The following TMX1 variants were observed in gnomAD, a reference collection of about 807,000 sequenced individuals.
The protein encoded by TMX1 is thioredoxin related transmembrane protein 1, also known as thioredoxin-related transmembrane protein 1.
In TMX1, 25 loss-of-function variants were observed where a neutral mutation model predicts 36.6. The ratio of observed to expected loss-of-function variants is 0.68; its 90% CI spans 0.50 to 0.95. The LOEUF is 0.95. TMX1 is among the 40% of genes least tolerant of loss of function. The pLI is 0.00. For missense variants in TMX1, 347 were observed against 339.6 expected (o/e 1.02, Z -0.17); for synonymous variants, 133 against 118.0 (o/e 1.13, Z -0.82).
intron 7 of TMX1, among the ~76,000 whole-genome samples, chr14:51,253,467 G>A (rs1596408715): frequency 2.0e-5 from 3 of 152,272 alleles, no homozygotes; most frequent in African/African-American, 4.8e-5. Flanking sequence ...TTTTCCCCAT[G>A]GTTTATTCTG....
intron 1 of TMX1, 46 bp downstream of exon 1, chr14:51,240,490 G>T (rs760113264): frequency 6.3e-7 from 1 of 1,586,292 alleles, no homozygotes; most frequent in South Asian, 1.1e-5. Flanking sequence ...CTGGACACAC[G>T]ACTTCACCCC....
chr14:51,242,433 AAGT>A (rs1175731396), intron 1 of TMX1, among the ~76,000 whole-genome samples: 21 of 152,200 alleles, frequency 1.4e-4, no homozygotes, highest in Admixed American at 4.6e-4. Flanking sequence ...CAGCAATCAG[AAGT>A]AGTATTAAGG....
At chr14:51,244,136 G>T in intron 2 of TMX1, 165 bp downstream of exon 2, 1 of 480,576 alleles carries the variant, frequency 2.1e-6, no homozygotes, top group Non-Finnish European at 3.6e-6. Flanking sequence ...TGGGGGCTCA[G>T]TGTGCAATGG....
At position 51,249,353 on chromosome 14, in the gene TMX1, GCTAT is replaced by G. The variant is rs1445807923; in HGVS notation, c.476_479del (p.Ser159CysfsTer27). Reference sequence around the variant, plus strand: ...TGAGTAGTATGTCAGCACTCTTTCAGCTATCTATGTGGATCAGGGTATGGACTAA... The same window carrying G: ...TGAGTAGTATGTCAGCACTCTTTCAGCTATGTGGATCAGGGTATGGACTAA... On this transcript the variant is annotated frameshift_variant, in exon 5 of 8. Coordinates refer to ENST00000457354, the MANE Select transcript of TMX1 (RefSeq NM_030755.5). LOFTEE classifies it high-confidence loss of function. 6.2e-7 allele frequency: 1 copy of G among 1,607,782 alleles called. No individual in the cohort carries two copies. The highest frequency in any genetic ancestry group is 1.3e-5 in the African/African-American group (1 of 74,412).
chr14:51,246,488 A>G (rs944742864), intron 3 of TMX1, among the ~76,000 whole-genome samples: 1 of 152,140 alleles, frequency 6.6e-6, no homozygotes, highest in Non-Finnish European at 1.5e-5. Context: ...GCACTTAAAG[A>G]TGTTGGAGCC....
chr14:51,256,365 T>C lies in TMX1; in HGVS notation c.*1846T>C, dbSNP rs2065838567. On this transcript the variant is annotated 3_prime_UTR_variant, in exon 8 of 8. Transcript: ENST00000457354. ...CCCCTGTACTATAGAAAATGTAAAG[T>C]TGGCTGAACAGATAGGGTCTTGAAA... is the stretch of plus-strand genomic sequence containing the variant. 1 of 152,068 alleles carries C rather than the reference T, an allele frequency of 6.6e-6. No homozygotes were observed. Among genetic ancestry groups the C allele is most frequent in the Admixed American group, 6.6e-5 (1 of 15,262 alleles). 9.4% of individuals were successfully genotyped at this position (152,068 alleles called of 1,614,324 possible).
rs7161242 is a variant in TMX1 at position 51,249,470 on chromosome 14, T to G, written c.492T>G (p.Thr164=). 1,199,343 of 1,596,114 alleles carry G rather than the reference T, an allele frequency of 0.75. 452,554 individuals carry two copies. Among genetic ancestry groups the G allele is most frequent in the Non-Finnish European group, 0.77 (902,499 of 1,174,796 alleles). The change falls in exon 6 of 8, where the codon ACT becomes ACG. Residue 164 remains threonine (T), a splice_region_variant and synonymous_variant. Coordinates refer to ENST00000457354, the MANE Select transcript of TMX1 (RefSeq NM_030755.5). ...TTTTTTTTTTCTTTTGATTTTAGAC[T>G]TGCCATAACTACTTTATTGAAGACC... ...ALFQLSMWIR[T]CHNYFIEDLG...
chr14:51,240,608 C>T (rs1423022686), intron 1 of TMX1, among the ~76,000 whole-genome samples, 164 bp downstream of exon 1: 1 of 152,196 alleles, frequency 6.6e-6, no homozygotes, highest in Non-Finnish European at 1.5e-5. Context: ...CTGCCGCCAG[C>T]TTGGTCCCAC....
Position 51,255,264 on chromosome 14 carries a change from G to C in TMX1, c.*745G>C, listed in dbSNP as rs1364434320. Reference sequence around the variant, plus strand: ...AACATTTTTTATGTTTTAGTAAACAGTATTTTTTTGTTGTTTCAAACTGAA... The same window carrying C: ...AACATTTTTTATGTTTTAGTAAACACTATTTTTTTGTTGTTTCAAACTGAA... On this transcript the variant is annotated 3_prime_UTR_variant, in exon 8 of 8. Transcript: ENST00000457354. 6.6e-6 allele frequency: 1 copy of C among 151,892 alleles called. No individual in the cohort carries two copies. Among genetic ancestry groups the C allele is most frequent in the Non-Finnish European group, 1.5e-5 (1 of 67,862 alleles). The allele number at this position is 151,892 out of a possible 1,614,324, so 9.4% of individuals were successfully genotyped here.
rs1237112235 is a variant in TMX1, at chr14:51,254,530, T to G, written c.*11T>G. On this transcript the variant is annotated 3_prime_UTR_variant, in exon 8 of 8. Transcript: ENST00000457354. The stretch of plus-strand genomic sequence containing the variant: ...ACAGATAAATCCTAGTTAAATTTTA[T>G]AGTTATCTTAATATTATGATTTTGA... The G allele has an allele frequency of 2.5e-6, 4 of 1,575,184 alleles. No individual in the cohort carries two copies. The highest frequency in any genetic ancestry group is 3.4e-6 in the Non-Finnish European group (4 of 1,167,480).
chr14:51,242,466 A>G (rs555488485), intron 1 of TMX1, among the ~76,000 whole-genome samples: 2 of 152,320 alleles, frequency 1.3e-5, no homozygotes, highest in Non-Finnish European at 2.9e-5. Flanking sequence ...CTAACAAAAC[A>G]TTGAGTATGA....
intron 4 of TMX1, among the ~76,000 whole-genome samples, chr14:51,247,642 C>A (rs4424815): frequency 0.72 from 109,023 of 152,060 alleles, 39,379 homozygotes; most frequent in Non-Finnish European, 0.77. Flanking sequence ...CAGGTGTGAG[C>A]CACTATGCAC....
At position 51,255,655 on chromosome 14, in the gene TMX1, C is replaced by T. The variant is rs1309566550; in HGVS notation, c.*1136C>T. 6.6e-6 allele frequency: 1 copy of T among 151,892 alleles called. No individual in the cohort carries two copies. Among genetic ancestry groups the T allele is most frequent in the African/African-American group, 2.4e-5 (1 of 41,372 alleles). The allele number at this position is 151,892 out of a possible 1,614,324, so 9.4% of individuals were successfully genotyped here. The stretch of plus-strand genomic sequence containing the variant: ...ATTTTTATATTTTTTAAAAGACAAA[C>T]TTCATATTATCCTGTGTTCTTTCCT... On this transcript the variant is annotated 3_prime_UTR_variant, in exon 8 of 8. Transcript: ENST00000457354.
In TMX1 at chr14:51,257,075, T is replaced by C. The variant is rs2065842075; in HGVS notation, c.*2556T>C. On this transcript the variant is annotated 3_prime_UTR_variant, in exon 8 of 8. Transcript: ENST00000457354. ...TTCAAGCAGTTCTTCTGCCTCAGCC[T>C]CCCAAGTAGCTGGGATTACAGGCAT... is the stretch of plus-strand genomic sequence containing the variant. 1 of 152,052 alleles carries C rather than the reference T, an allele frequency of 6.6e-6. No individual in the cohort carries two copies. The highest frequency in any genetic ancestry group is 6.6e-5 in the Admixed American group (1 of 15,258). The allele number at this position is 152,052 out of a possible 1,614,324, so 9.4% of individuals were successfully genotyped here.
chr14:51,253,900 T>C (rs2065826402), intron 7 of TMX1: 1 of 152,594 alleles, frequency 6.6e-6, no homozygotes. Flanking sequence ...TGACCAGAAG[T>C]TTAATAGCAA....
intron 1 of TMX1, among the ~76,000 whole-genome samples, chr14:51,242,943 A>G (rs1326413849): frequency 2.0e-5 from 3 of 152,198 alleles, no homozygotes; most frequent in Non-Finnish European, 4.4e-5. Context: ...ATTTATTGTT[A>G]GGAGCTTGGC....
rs1412712415 is a variant in TMX1 at position 51,243,972 on chromosome 14, G to A, written c.268+1G>A. On this transcript the variant is annotated splice_donor_variant, in intron 2 of 7. Transcript: ENST00000457354. LOFTEE classifies it high-confidence loss of function. ...AAAGTAGATGTCACAGAGCAGCCAGGTACTGTAAGTCTTTGGTTAGTTTTG... is the reference window on the plus strand; with the variant it reads ...AAAGTAGATGTCACAGAGCAGCCAGATACTGTAAGTCTTTGGTTAGTTTTG... 3.1e-6 allele frequency: 5 copies of A among 1,598,384 alleles called. No individual in the cohort carries two copies. Among genetic ancestry groups the A allele is most frequent in the South Asian group, 2.3e-5 (2 of 87,136 alleles).
rs138117007 is a variant in TMX1, at chr14:51,245,186, G to A, written c.269-127G>A. The A allele has an allele frequency of 2.4e-3, 2,638 of 1,093,400 alleles. 14 individuals are homozygous for A. The highest frequency in any genetic ancestry group is 0.011 in the South Asian group (695 of 64,436). The allele number at this position is 1,093,400 out of a possible 1,614,324, so 67.7% of individuals were successfully genotyped here. Reference sequence around the variant, plus strand: ...AATTCATTTTTAAATTATGTATTACGAAGCTCAACTATTAGGTATAATTTC... The same window carrying A: ...AATTCATTTTTAAATTATGTATTACAAAGCTCAACTATTAGGTATAATTTC... On this transcript the variant is annotated intron_variant, in intron 2 of 7. Transcript: ENST00000457354.
rs2065841941 is a variant in TMX1 at position 51,257,045 on chromosome 14, C to CT, written c.*2527dup. 1 of 151,948 alleles carries CT rather than the reference C, an allele frequency of 6.6e-6. No homozygotes were observed. The highest frequency in any genetic ancestry group is 6.6e-5 in the Admixed American group (1 of 15,260). The allele number at this position is 151,948 out of a possible 1,614,324, so 9.4% of individuals were successfully genotyped here. ...CTTGGCTCACTGCAACCTCCACCTC[C>CT]TGGGTTCAAGCAGTTCTTCTGCCTC... On this transcript the variant is annotated 3_prime_UTR_variant, in exon 8 of 8. Coordinates refer to ENST00000457354, the MANE Select transcript of TMX1 (RefSeq NM_030755.5).
Sources: gnomAD v4.1 joint callset for allele counts (sites outside exome capture counted in the v4.1 genomes callset) on GRCh38, gnomAD v4.1.1 for gene constraint, MANE v1.5 for transcripts, NCBI Gene and HGNC (gene_info 2026-07-23, HGNC 2026-07-21) for gene names.